TCF12: variants seen among roughly 807,000 people sequenced by gnomAD.
TCF12 encodes the protein DNA-binding protein HTF4.
Under a neutral mutation model 86.0 loss-of-function variants are expected in TCF12, and 45 were observed. The ratio of observed to expected loss-of-function variants is 0.52; its 90% CI spans 0.41 to 0.67. The LOEUF (loss-of-function observed/expected upper bound fraction) is 0.67. TCF12 is among the 30% of genes least tolerant of loss of function. The probability of loss-of-function intolerance (pLI) is 0.00; values close to 1 mark genes in which losing one functional copy is unlikely to be tolerated. For missense variants in TCF12, 881 were observed against 859.9 expected (o/e 1.02, Z -0.31); for synonymous variants, 330 against 299.6 (o/e 1.10, Z -1.05).
At chr15:57,010,825 A>G (rs992480066) in intron 3 of TCF12, among the ~76,000 whole-genome samples, 1 of 152,190 alleles carries the variant, frequency 6.6e-6, no homozygotes. Context: ...TCAGGAGGGT[A>G]AGTCCTCAGA....
rs536001131 is a variant in TCF12, at chr15:57,070,590, C to A, written c.222+6767C>A. 2.4e-3 allele frequency among the ~76,000 whole-genome samples: 359 copies of A among 152,306 alleles called. 2 individuals carry two copies. Among genetic ancestry groups the A allele is most frequent in the Non-Finnish European group, 4.0e-3 (274 of 68,032 alleles). On this transcript the variant is annotated intron_variant, in intron 4 of 20. Coordinates refer to ENST00000333725, the MANE Select transcript of TCF12 (RefSeq NM_207037.2). ...ATTAATGTCATTTTTCTTGCAAATC[C>A]TGGACCATTCCTGCCAGATATGGCT...
chr15:56,997,145 A>T (rs2063759407), intron 3 of TCF12, among the ~76,000 whole-genome samples: 1 of 152,186 alleles, frequency 6.6e-6, no homozygotes, highest in Admixed American at 6.5e-5. Context: ...AGGAAAATAA[A>T]TTGTTCTGCC....
chr15:57,058,579 A>G (rs1206864786), intron 3 of TCF12, among the ~76,000 whole-genome samples: 1 of 152,180 alleles, frequency 6.6e-6, no homozygotes, highest in African/African-American at 2.4e-5. Flanking sequence ...TTACTTTCTT[A>G]CATATGTGTT....
At chr15:57,065,925 G>A (rs2068837859) in intron 4 of TCF12, among the ~76,000 whole-genome samples, 1 of 152,264 alleles carries the variant, frequency 6.6e-6, no homozygotes, top group East Asian at 1.9e-4. Flanking sequence ...TCTATTGAGA[G>A]ATCAGATAGA....
In TCF12 at chr15:57,223,643, G is replaced by GTTTTTTTTT. The variant is rs550493641; in HGVS notation, c.580-7489_580-7481dup. On this transcript the variant is annotated intron_variant, in intron 8 of 20. Transcript: ENST00000333725. ...GTTTTGGCACCTGCCTACCAATGAG[G>GTTTTTTTTT]TTTTTTTTTTTTTTTTTTTTTTTTT... Among the ~76,000 whole-genome samples the GTTTTTTTTT allele has an allele frequency of 7.8e-4, 54 of 69,666 alleles. 13 individuals are homozygous for GTTTTTTTTT. The highest frequency in any genetic ancestry group is 1.5e-3 in the East Asian group (3 of 1,994). 45.7% of individuals were successfully genotyped at this position (69,666 alleles called of 152,430 possible).
chr15:56,927,171 T>C (rs1261449934), intron 3 of TCF12, among the ~76,000 whole-genome samples: 1 of 152,164 alleles, frequency 6.6e-6, no homozygotes, highest in African/African-American at 2.4e-5. Context: ...CTGAATTGTT[T>C]TTTGCATTTT....
intron 3 of TCF12, among the ~76,000 whole-genome samples, chr15:56,984,663 G>A (rs1223712839): frequency 6.6e-5 from 10 of 152,176 alleles, no homozygotes; most frequent in African/African-American, 2.4e-4. Context: ...ACCCAAAGAA[G>A]CCATTTTACC....
At chr15:57,065,953 C>CT (rs1261035395) in intron 4 of TCF12, among the ~76,000 whole-genome samples, 2 of 152,070 alleles carry the variant, frequency 1.3e-5, no homozygotes, top group Non-Finnish European at 2.9e-5. Context: ...TTTAATGCTA[C>CT]CCTTCTTTAT....
chr15:57,257,892 A>C (rs1271902596), intron 16 of TCF12, among the ~76,000 whole-genome samples: 4 of 152,168 alleles, frequency 2.6e-5, no homozygotes, highest in Non-Finnish European at 4.4e-5. Flanking sequence ...AACTATTGAA[A>C]TGTCAGCATT....
chr15:57,025,973 TA>T (rs1225288559), intron 3 of TCF12, among the ~76,000 whole-genome samples: 1 of 152,212 alleles, frequency 6.6e-6, no homozygotes, highest in Non-Finnish European at 1.5e-5. Context: ...TAGGAACAGT[TA>T]AAAAACTGGG....
chr15:57,061,249 T>C (rs1305095576), intron 3 of TCF12, among the ~76,000 whole-genome samples: 1 of 152,224 alleles, frequency 6.6e-6, no homozygotes, highest in African/African-American at 2.4e-5. Context: ...AGATGTTCTC[T>C]GTAACTGGCA....
At chr15:56,945,565 T>C (rs1328030292) in intron 3 of TCF12, among the ~76,000 whole-genome samples, 1 of 152,066 alleles carries the variant, frequency 6.6e-6, no homozygotes, top group African/African-American at 2.4e-5. Context: ...GATGAAATAG[T>C]GTCTTTCCAT....
intron 3 of TCF12, among the ~76,000 whole-genome samples, chr15:57,006,841 G>C (rs1484546000): frequency 6.6e-6 from 1 of 152,024 alleles, no homozygotes; most frequent in Non-Finnish European, 1.5e-5. Flanking sequence ...GCTTGAGTTA[G>C]GAGGCAGAGG....
At chr15:57,145,246 A>G (rs1423265812) in intron 5 of TCF12, among the ~76,000 whole-genome samples, 1 of 152,202 alleles carries the variant, frequency 6.6e-6, no homozygotes, top group Non-Finnish European at 1.5e-5. Context: ...ATTTACATTA[A>G]TGAGTATTGG....
chr15:56,933,060 G>C (rs1215351055), intron 3 of TCF12, among the ~76,000 whole-genome samples: 1 of 152,122 alleles, frequency 6.6e-6, no homozygotes, highest in Admixed American at 6.5e-5. Context: ...TTGATAGTTG[G>C]AAGATATTGG....
chr15:56,957,339 A>C (rs1245040193), intron 3 of TCF12, among the ~76,000 whole-genome samples: 2 of 152,196 alleles, frequency 1.3e-5, no homozygotes, highest in Non-Finnish European at 2.9e-5. Flanking sequence ...CCCCACCTTC[A>C]GAAACTCTAA....
chr15:57,022,816 C>G (rs781422895), intron 3 of TCF12, among the ~76,000 whole-genome samples: 15 of 152,062 alleles, frequency 9.9e-5, no homozygotes, highest in Non-Finnish European at 1.6e-4. Flanking sequence ...CTCTGATGAC[C>G]AGTGATGATG....
chr15:57,199,670 A>G (rs1332484184), intron 8 of TCF12, among the ~76,000 whole-genome samples: 1 of 152,206 alleles, frequency 6.6e-6, no homozygotes, highest in African/African-American at 2.4e-5. Context: ...TGTCTCAGGT[A>G]TCTGGAACAA....
At chr15:57,109,526 T>C (rs1444999522) in intron 5 of TCF12, among the ~76,000 whole-genome samples, 2 of 152,244 alleles carry the variant, frequency 1.3e-5, no homozygotes, top group Admixed American at 6.5e-5. Context: ...CGAATTTCTA[T>C]TCTCGTCTTA....
Sources: allele counts gnomAD v4.1 joint callset (sites outside exome capture counted in the v4.1 genomes callset), GRCh38; gene constraint gnomAD v4.1.1; transcripts MANE v1.5; gene names NCBI Gene and HGNC (gene_info 2026-07-23, HGNC 2026-07-21).